Variants in OR1L8 observed in about 807,000 individuals in gnomAD.
The protein encoded by OR1L8 is olfactory receptor family 1 subfamily L member 8.
For missense variants in OR1L8, 330 were observed against 377.4 expected, an observed-to-expected ratio of 0.87 and a Z score of 1.04; for synonymous variants, 148 against 147.0, an observed-to-expected ratio of 1.01 and a Z score of -0.05.
chr9:122,567,407 G>T lies in OR1L8; in HGVS notation c.*141C>A, dbSNP rs1000714414. 1.7e-6 allele frequency: 1 copy of T among 591,836 alleles called. No homozygotes were observed. The highest frequency in any genetic ancestry group is 2.9e-6 in the Non-Finnish European group (1 of 342,202). 36.7% of individuals were successfully genotyped at this position (591,836 alleles called of 1,614,324 possible). A position where few individuals can be genotyped will look rare whatever the true frequency, so the allele number is the denominator to read the frequency against. ...CCGAATTGTTGGGTCATCATCAATGGATGTAAGTGCCCACAATAGCCTTGT... is the reference window on the plus strand; with the variant it reads ...CCGAATTGTTGGGTCATCATCAATGTATGTAAGTGCCCACAATAGCCTTGT... On this transcript the variant is annotated 3_prime_UTR_variant, in exon 5 of 5. Transcript: ENST00000641027.
downstream of OR1L8, among the ~76,000 whole-genome samples, chr9:122,566,873 A>G (rs1004550312): frequency 6.6e-6 from 1 of 152,196 alleles, no homozygotes; most frequent in South Asian, 2.1e-4. Context: ...CCCCTGTGTG[A>G]AATGGATAAT....
At chr9:122,550,516 G>A in the OR1L8 span, among the ~76,000 whole-genome samples, 1 of 149,770 alleles carries the variant, frequency 6.7e-6, no homozygotes, top group Admixed American at 6.6e-5. Context: ...CTAGCAAACT[G>A]AATCCAACAG....
intron 4 of OR1L8, among the ~76,000 whole-genome samples, chr9:122,569,829 C>G: frequency 6.6e-6 from 1 of 151,830 alleles, no homozygotes; most frequent in Admixed American, 6.6e-5. Context: ...TCCCTCCCCC[C>G]TGCCCCCACC....
chr9:122,579,191 G>A (rs1829708059), intron 1 of OR1L8, among the ~76,000 whole-genome samples: 3 of 151,924 alleles, frequency 2.0e-5, no homozygotes, highest in Admixed American at 6.6e-5. Flanking sequence ...ATTGACTATT[G>A]TGTGGACTAA....
the OR1L8 span, among the ~76,000 whole-genome samples, chr9:122,551,886 A>G: frequency 3.3e-5 from 5 of 152,160 alleles, no homozygotes; most frequent in South Asian, 4.1e-4. Flanking sequence ...TCTGGACTCA[A>G]TAGACCCCGA....
chr9:122,575,688 GAGAGT>G (rs1829640633), intron 3 of OR1L8, among the ~76,000 whole-genome samples: 1 of 152,138 alleles, frequency 6.6e-6, no homozygotes, highest in Non-Finnish European at 1.5e-5. Context: ...GATACATATA[GAGAGT>G]AAAGTGGTTA....
the OR1L8 span, among the ~76,000 whole-genome samples, chr9:122,561,014 T>G: frequency 2.0e-5 from 3 of 152,202 alleles, no homozygotes; most frequent in Non-Finnish European, 4.4e-5. Flanking sequence ...TCTCAGAGGT[T>G]TTGCTCATCC....
chr9:122,571,876 G>GTAT (rs928209776), intron 4 of OR1L8, among the ~76,000 whole-genome samples: 2 of 152,086 alleles, frequency 1.3e-5, no homozygotes, highest in Non-Finnish European at 2.9e-5. Context: ...TATGAAAGGT[G>GTAT]TATTAGTCTA....
rs111661061 is a variant in OR1L8 at position 122,567,817 on chromosome 9, G to A, written c.661C>T (p.Arg221Ter). 1.0e-4 allele frequency: 161 copies of A among 1,614,022 alleles called. No individual in the cohort carries two copies. In the African/African-American group the frequency reaches 1.5e-3, roughly 15 times the overall value. ...ATCTTGAGAACTGTAGTGAGGATTC[G>A]TATATAAGAGAAAGCAATGCAGAGA... ...RFLCIAFSYI[R>*]ILTTVLKIPS... The change falls in exon 5 of 5, where the codon CGA (arginine) becomes TGA (stop). Residue 221 changes from arginine (R) to a stop codon, truncating the protein, a stop_gained. Transcript: ENST00000641027. LOFTEE classifies it low-confidence loss of function (END_TRUNC).
chr9:122,567,406 G>C lies in OR1L8; in HGVS notation c.*142C>G, dbSNP rs1829447050. On this transcript the variant is annotated 3_prime_UTR_variant, in exon 5 of 5. Coordinates refer to ENST00000641027, the MANE Select transcript of OR1L8 (RefSeq NM_001004454.2). Reference sequence around the variant, plus strand: ...GCCGAATTGTTGGGTCATCATCAATGGATGTAAGTGCCCACAATAGCCTTG... The same window carrying C: ...GCCGAATTGTTGGGTCATCATCAATCGATGTAAGTGCCCACAATAGCCTTG... 5.1e-6 allele frequency: 3 copies of C among 585,570 alleles called. No homozygotes were observed. The highest frequency in any genetic ancestry group is 8.9e-6 in the Non-Finnish European group (3 of 338,642). The allele number at this position is 585,570 out of a possible 1,614,324, so 36.3% of individuals were successfully genotyped here. A position where few individuals can be genotyped will look rare whatever the true frequency, so the allele number is the denominator to read the frequency against.
At chr9:122,569,659 CATTTTATTTTATTTTATTTT>C (rs56279203) in intron 4 of OR1L8, among the ~76,000 whole-genome samples, 6 of 150,380 alleles carry the variant, frequency 4.0e-5, no homozygotes, top group Non-Finnish European at 8.9e-5. Flanking sequence ...GAAACAACTT[CATTTTATTTTATTTTATTTT>C]ATTTTATTTT....
At position 122,568,660 on chromosome 9, in the gene OR1L8, A is replaced by C; in HGVS notation, c.-183T>G. The C allele has an allele frequency of 1.9e-6, 1 of 528,038 alleles. No homozygotes were observed. 32.7% of individuals were successfully genotyped at this position (528,038 alleles called of 1,614,324 possible). On this transcript the variant is annotated 5_prime_UTR_variant, in exon 5 of 5. The change abolishes the stop of an existing upstream ORF in the 5' untranslated region. Transcript: ENST00000641027. ...GATGGGGTCCTCCCTTCCCAAATCT[A>C]TGGGCTCCATAAGGGCATTATATTG...
chr9:122,560,500 G>A, the OR1L8 span, among the ~76,000 whole-genome samples: 2 of 152,022 alleles, frequency 1.3e-5, no homozygotes, highest in Admixed American at 6.6e-5. Flanking sequence ...CTTCCTTCAG[G>A]AGCTCTTGCA....
At chr9:122,574,298 A>T (rs933278801) in intron 3 of OR1L8, among the ~76,000 whole-genome samples, 2 of 152,118 alleles carry the variant, frequency 1.3e-5, no homozygotes, top group African/African-American at 4.8e-5. Context: ...AATTCAGGAG[A>T]ATTGACCTTT....
chr9:122,572,937 C>T (rs12376146), intron 3 of OR1L8, 29 bp from the exon 4 acceptor site: 38,839 of 152,156 alleles, frequency 0.26, 5,419 homozygotes, highest in African/African-American at 0.32. Flanking sequence ...AGAACTGAAA[C>T]ACTACTCTAA....
intron 1 of OR1L8, among the ~76,000 whole-genome samples, chr9:122,581,411 G>C (rs1403482264): frequency 6.6e-6 from 1 of 151,986 alleles, no homozygotes; most frequent in Non-Finnish European, 1.5e-5. Flanking sequence ...ATGATCATCA[G>C]TCAAAGCAAT....
chr9:122,579,113 G>A (rs1412664515), intron 1 of OR1L8, among the ~76,000 whole-genome samples: 3 of 151,928 alleles, frequency 2.0e-5, no homozygotes, highest in South Asian at 2.1e-4. Context: ...GATAGTACAC[G>A]TAAGAGAAAC....
Position 122,568,222 on chromosome 9 carries a change from A to C in OR1L8, c.256T>G (p.Phe86Val), listed in dbSNP as rs765099035. The C allele has an allele frequency of 3.0e-5, 49 of 1,614,062 alleles. No homozygotes were observed. The highest frequency in any genetic ancestry group is 3.3e-4 in the Middle Eastern group (2 of 6,084). Residue 86 changes from phenylalanine (F) to valine (V), a missense_variant, in exon 5 of 5, where the codon TTC becomes GTC. Coordinates refer to ENST00000641027, the MANE Select transcript of OR1L8 (RefSeq NM_001004454.2). Reference sequence around the variant, plus strand: ...GAGATGGTCTTCTTTTCTGACAGGAAGTTCATCAGCATCTTGGGGACAACG... The same window carrying C: ...GAGATGGTCTTCTTTTCTGACAGGACGTTCATCAGCATCTTGGGGACAACG... ...TSVVPKMLMN[F>V]LSEKKTISYA... is the part of the protein sequence containing the mutation.
chr9:122,565,375 G>C (rs551655865), downstream of OR1L8, among the ~76,000 whole-genome samples: 937 of 152,306 alleles, frequency 6.2e-3, 9 homozygotes, highest in African/African-American at 0.021. Flanking sequence ...GACCCGTTTT[G>C]TGGATACCAG....
Sources: allele counts gnomAD v4.1 joint callset (sites outside exome capture counted in the v4.1 genomes callset), GRCh38; gene constraint gnomAD v4.1.1; transcripts MANE v1.5; gene names NCBI Gene and HGNC (gene_info 2026-07-23, HGNC 2026-07-21).